GAP43: variants seen among roughly 807,000 people sequenced by gnomAD.
GAP43 encodes growth associated protein 43, also known as neuromodulin.
A neutral mutation model predicts 18.6 loss-of-function variants in GAP43; 6 were observed. That is an observed-to-expected ratio of 0.32 (90% CI 0.18 to 0.64). GAP43 has a LOEUF of 0.64. GAP43 is among the 30% of genes least tolerant of loss of function. The pLI is 0.78. For synonymous variants in GAP43, 115 were observed against 111.4 expected (o/e 1.03, Z -0.20); for missense variants, 292 against 295.5 (o/e 0.99, Z 0.09).
intron 2 of GAP43, among the ~76,000 whole-genome samples, chr3:115,692,071 T>C (rs1158027589): frequency 2.6e-5 from 4 of 152,328 alleles, no homozygotes; most frequent in Admixed American, 2.0e-4. Flanking sequence ...CATGTTATAC[T>C]GTGTGTGCAT....
At chr3:115,711,597 A>G (rs1709439188) in intron 2 of GAP43, among the ~76,000 whole-genome samples, 1 of 152,102 alleles carries the variant, frequency 6.6e-6, no homozygotes, top group African/African-American at 2.4e-5. Flanking sequence ...TCACTATCGC[A>G]TTATTTTTCT....
At chr3:115,664,313 A>G (rs1197081277) in intron 1 of GAP43, among the ~76,000 whole-genome samples, 1 of 151,914 alleles carries the variant, frequency 6.6e-6, no homozygotes, top group African/African-American at 2.4e-5. Flanking sequence ...TATCCCTGAA[A>G]CATCCCTCTG....
intron 1 of GAP43, among the ~76,000 whole-genome samples, chr3:115,673,646 A>T (rs1023824562): frequency 6.6e-6 from 1 of 152,314 alleles, no homozygotes; most frequent in African/African-American, 2.4e-5. Flanking sequence ...TTACAGGGTT[A>T]TGCTTCCATC....
intron 2 of GAP43, among the ~76,000 whole-genome samples, chr3:115,710,952 T>C (rs934142764): frequency 5.3e-5 from 8 of 152,088 alleles, no homozygotes; most frequent in African/African-American, 1.9e-4. Context: ...ATAAAGCATG[T>C]TTTTGGGTTT....
At chr3:115,669,968 T>TTA in intron 1 of GAP43, among the ~76,000 whole-genome samples, 1 of 142,042 alleles carries the variant, frequency 7.0e-6, no homozygotes, top group Middle Eastern at 3.5e-3. Context: ...TCTTTTTATT[T>TTA]TTATTTTTTT....
intron 2 of GAP43, among the ~76,000 whole-genome samples, chr3:115,707,770 T>A (rs1242280445): frequency 2.6e-5 from 4 of 152,128 alleles, no homozygotes; most frequent in Non-Finnish European, 5.9e-5. Context: ...AGCAAAAAAA[T>A]GGAGAATGAT....
intron 1 of GAP43, among the ~76,000 whole-genome samples, chr3:115,625,926 G>C (rs1445199038): frequency 6.6e-6 from 1 of 152,190 alleles, no homozygotes; most frequent in East Asian, 1.9e-4. Context: ...TAAAGGTATA[G>C]AAATTGTCCT....
chr3:115,640,402 G>T (rs1708380539), intron 1 of GAP43, among the ~76,000 whole-genome samples: 1 of 152,058 alleles, frequency 6.6e-6, no homozygotes, highest in South Asian at 2.1e-4. Context: ...CCAGTCATGG[G>T]TAAAACCACT....
At position 115,641,747 on chromosome 3, in the gene GAP43, G is replaced by A. The variant is rs780591824; in HGVS notation, c.30+18028G>A. ...GTGATAATTATCATTGACTAGTAGA[G>A]CTAAAGAGAGCTTAGGAATTATCTA... On this transcript the variant is annotated intron_variant, in intron 1 of 2. Transcript: ENST00000305124. Among the ~76,000 whole-genome samples the A allele has an allele frequency of 1.2e-4, 19 of 152,166 alleles. No homozygotes were observed. The Middle Eastern group carries it at 0.017, about 136-fold the overall frequency.
intron 1 of GAP43, among the ~76,000 whole-genome samples, chr3:115,659,372 T>C (rs1393784486): frequency 1.3e-5 from 2 of 152,138 alleles, no homozygotes; most frequent in Non-Finnish European, 2.9e-5. Context: ...TGCACACAAG[T>C]TTCTTTTTCG....
chr3:115,679,749 T>C (rs1246133658), intron 2 of GAP43, among the ~76,000 whole-genome samples: 1 of 152,190 alleles, frequency 6.6e-6, no homozygotes, highest in Non-Finnish European at 1.5e-5. Flanking sequence ...TGTGGTCATA[T>C]TCAGTGATGT....
intron 2 of GAP43, among the ~76,000 whole-genome samples, chr3:115,713,393 A>G (rs1709465148): frequency 6.6e-6 from 1 of 152,150 alleles, no homozygotes; most frequent in Non-Finnish European, 1.5e-5. Context: ...TTACTCGGAA[A>G]TCCACTCAAC....
At chr3:115,638,665 G>A (rs894138732) in intron 1 of GAP43, among the ~76,000 whole-genome samples, 1 of 151,788 alleles carries the variant, frequency 6.6e-6, no homozygotes, top group Non-Finnish European at 1.5e-5. Context: ...TTATTTCATG[G>A]AATGGTCCAT....
At chr3:115,717,699 A>G (rs1382189694) in intron 2 of GAP43, among the ~76,000 whole-genome samples, 1 of 151,660 alleles carries the variant, frequency 6.6e-6, no homozygotes, top group Non-Finnish European at 1.5e-5. Context: ...AGTACCTAGA[A>G]GAATGCCTGG....
intron 2 of GAP43, among the ~76,000 whole-genome samples, chr3:115,703,184 A>C (rs182673398): frequency 6.6e-6 from 1 of 152,250 alleles, no homozygotes; most frequent in East Asian, 1.9e-4. Context: ...GTTATTAAAA[A>C]CAGTAAAGCT....
intron 2 of GAP43, among the ~76,000 whole-genome samples, chr3:115,715,484 G>A (rs971116648): frequency 2.0e-5 from 3 of 152,104 alleles, no homozygotes; most frequent in African/African-American, 7.2e-5. Context: ...AGTAATAACT[G>A]TCTCAGAGGG....
intron 1 of GAP43, among the ~76,000 whole-genome samples, chr3:115,671,379 CATTAGTGTCAACAAGTTAGTGTAATGGT>C (rs1212918043): frequency 2.0e-5 from 3 of 152,126 alleles, no homozygotes; most frequent in Non-Finnish European, 2.9e-5. Context: ...TTAGAAGTTT[CATTAGTGTCAACAAGTTAGTGTAATGGT>C]ACTCTTCATT....
chr3:115,650,165 G>A lies in GAP43; in HGVS notation c.31-25848G>A, dbSNP rs185042615. 1.1e-3 allele frequency among the ~76,000 whole-genome samples: 166 copies of A among 152,218 alleles called. 1 individual carries two copies. Among genetic ancestry groups the A allele is most frequent in the African/African-American group, 3.9e-3 (162 of 41,546 alleles). ...CATCTTGAAAACACTGACTAATTTAGGAACCTAGCAGGAAGCTACATTGTC... is the reference window on the plus strand; with the variant it reads ...CATCTTGAAAACACTGACTAATTTAAGAACCTAGCAGGAAGCTACATTGTC... On this transcript the variant is annotated intron_variant, in intron 1 of 2. Coordinates refer to ENST00000305124, the MANE Select transcript of GAP43 (RefSeq NM_002045.4).
At chr3:115,686,298 G>A (rs1709031637) in intron 2 of GAP43, among the ~76,000 whole-genome samples, 1 of 152,198 alleles carries the variant, frequency 6.6e-6, no homozygotes, top group Non-Finnish European at 1.5e-5. Flanking sequence ...AAACCACATA[G>A]TTATGTACAT....
Sources: gnomAD v4.1 joint callset for allele counts (sites outside exome capture counted in the v4.1 genomes callset) on GRCh38, gnomAD v4.1.1 for gene constraint, MANE v1.5 for transcripts, NCBI Gene and HGNC (gene_info 2026-07-23, HGNC 2026-07-21) for gene names.